STRN: variants seen among roughly 807,000 people sequenced by gnomAD.
STRN encodes striatin, also known as protein phosphatase 2 regulatory subunit B'''alpha.
In STRN, 53 loss-of-function variants were observed where a neutral mutation model predicts 96.3. The ratio of observed to expected loss-of-function variants is 0.55; its 90% CI spans 0.44 to 0.69. The LOEUF (loss-of-function observed/expected upper bound fraction) is 0.69. STRN is among the 30% of genes least tolerant of loss of function. The pLI is 0.00. For missense variants in STRN, 987 were observed against 963.9 expected, an observed-to-expected ratio of 1.02 and a Z score of -0.32; for synonymous variants, 428 against 355.9, an observed-to-expected ratio of 1.20 and a Z score of -2.28.
At position 36,849,746 on chromosome 2, in the gene STRN, A is replaced by G. The variant is rs776951286; in HGVS notation, c.2141T>C (p.Val714Ala). 5.0e-6 allele frequency: 8 copies of G among 1,614,058 alleles called. No homozygotes were observed. The South Asian group carries it at 7.7e-5, about 16-fold the overall frequency. Residue 714 changes from valine (V) to alanine (A), a missense_variant, in exon 17 of 18, where the codon GTT becomes GCT. Coordinates refer to ENST00000263918, the MANE Select transcript of STRN (RefSeq NM_003162.4). ...CATCAAGTAAAGGCCATTGGGATCAACTGCTAAACTTGTAACAGCTTCTAG... is the reference window on the plus strand; with the variant it reads ...CATCAAGTAAAGGCCATTGGGATCAGCTGCTAAACTTGTAACAGCTTCTAG... ...AHLEAVTSLA[V>A]DPNGLYLMSG...
intron 10 of STRN, among the ~76,000 whole-genome samples, chr2:36,876,055 G>A (rs945666889): frequency 2.6e-5 from 4 of 152,274 alleles, no homozygotes; most frequent in Admixed American, 6.5e-5. Context: ...AACTGCTTGA[G>A]CTTAGGAGTT....
intron 6 of STRN, among the ~76,000 whole-genome samples, chr2:36,895,822 G>A (rs1375384912): frequency 1.3e-5 from 2 of 151,860 alleles, no homozygotes; most frequent in Non-Finnish European, 2.9e-5. Flanking sequence ...TACTCGGGAG[G>A]CTGAGGCAGG....
At chr2:36,900,991 G>A (rs1008945099) in intron 5 of STRN, among the ~76,000 whole-genome samples, 1 of 149,756 alleles carries the variant, frequency 6.7e-6, no homozygotes, top group Non-Finnish European at 1.5e-5. Context: ...TTTAGACAGA[G>A]AGCATTTTCC....
rs144296108 is a variant in STRN at position 36,877,579 on chromosome 2, A to C, written c.1323+312T>G. On this transcript the variant is annotated intron_variant, in intron 10 of 17. Transcript: ENST00000263918. ...GAGACGGAGTCTCACTCTGTTGCAC[A>C]GGCTGGAGTGCAGTGGTGCGATGTT... Among the ~76,000 whole-genome samples the C allele has an allele frequency of 3.7e-3, 568 of 152,344 alleles. 2 individuals are homozygous for C. The highest frequency in any genetic ancestry group is 0.013 in the African/African-American group (550 of 41,576).
rs981736886 is a variant in STRN at position 36,848,339 on chromosome 2, A to T, written c.*1117T>A. On this transcript the variant is annotated 3_prime_UTR_variant, in exon 18 of 18. Transcript: ENST00000263918. ...TTAATAGAGGACTTCTAGGGTACAA[A>T]ATATTTGTTTTTATTAGTGCTTCTG... 2.0e-5 allele frequency: 3 copies of T among 152,180 alleles called. No homozygotes were observed. The highest frequency in any genetic ancestry group is 4.4e-5 in the Non-Finnish European group (3 of 68,032). The allele number at this position is 152,180 out of a possible 1,614,324, so 9.4% of individuals were successfully genotyped here.
At chr2:36,964,382 ATTAAAG>A (rs1354422743) in intron 1 of STRN, among the ~76,000 whole-genome samples, 4 of 152,174 alleles carry the variant, frequency 2.6e-5, no homozygotes, top group Non-Finnish European at 4.4e-5. Context: ...ACTGCACAAC[ATTAAAG>A]TTAAACTTTG....
At chr2:36,870,297 A>G (rs1572635214) in intron 10 of STRN, among the ~76,000 whole-genome samples, 1 of 4,932 alleles carries the variant, frequency 2.0e-4, no homozygotes, top group Non-Finnish European at 0.023. Flanking sequence ...CTCAAAAATG[A>G]AAAAAAAAAA....
chr2:36,840,632 A>C lies in STRN; in HGVS notation c.*8824T>G, dbSNP rs1334835876. ...CTCAGCCAACAAATATTTATAGGGT[A>C]CCTTTTATATGGCAAGGCACCAGGC... On this transcript the variant is annotated 3_prime_UTR_variant, in exon 18 of 18. Transcript: ENST00000263918. 6.6e-6 allele frequency: 1 copy of C among 151,614 alleles called. No individual in the cohort carries two copies. The highest frequency in any genetic ancestry group is 2.4e-5 in the African/African-American group (1 of 41,186). The allele number at this position is 151,614 out of a possible 1,614,324, so 9.4% of individuals were successfully genotyped here.
Position 36,945,602 on chromosome 2 carries a change from T to G in STRN, c.235-20394A>C, listed in dbSNP as rs138902997. Among the ~76,000 whole-genome samples, 67 of 151,812 alleles carry G rather than the reference T, an allele frequency of 4.4e-4. No homozygotes were observed. The East Asian group carries it at 0.012, about 26-fold the overall frequency. On this transcript the variant is annotated intron_variant, in intron 1 of 17. Coordinates refer to ENST00000263918, the MANE Select transcript of STRN (RefSeq NM_003162.4). ...GAATCGCTTGAACCAAGAGGCAGAG[T>G]TGCAGTGAGCCAAGATCGCAACACT...
chr2:36,871,689 T>A (rs1572636137), intron 10 of STRN, among the ~76,000 whole-genome samples: 1 of 152,230 alleles, frequency 6.6e-6, no homozygotes, highest in African/African-American at 2.4e-5. Flanking sequence ...ATACTTTATA[T>A]GCATTAACTC....
rs1391254129 is a variant in STRN, at chr2:36,842,948, C to T, written c.*6508G>A. The stretch of plus-strand genomic sequence containing the variant: ...TCTGGGAATATTTTATGTGCCAGGA[C>T]AATGCTGGGGCCCTGCAAAACATCA... On this transcript the variant is annotated 3_prime_UTR_variant, in exon 18 of 18. Transcript: ENST00000263918. Among the ~76,000 whole-genome samples the T allele has an allele frequency of 6.6e-6, 1 of 152,042 alleles. No homozygotes were observed. Among genetic ancestry groups the T allele is most frequent in the African/African-American group, 2.4e-5 (1 of 41,414 alleles).
Position 36,886,743 on chromosome 2 carries a change from C to T in STRN, c.1015G>A (p.Glu339Lys), listed in dbSNP as rs1669239918. Residue 339 changes from glutamate to lysine, a missense_variant, in exon 8 of 18, where the codon GAG becomes AAG. Physicochemically the swap from Glu to Lys is moderately conservative, Grantham distance 56. Coordinates refer to ENST00000263918, the MANE Select transcript of STRN (RefSeq NM_003162.4). ...TTCACCCCCTTTTTCCCCTTTCTCT[C>T]CTTTTTGTATTGTTCCTTGAGTTTG... ...ITKLKEQYKK[E>K]RKGKKGVKRP... 6.2e-7 allele frequency: 1 copy of T among 1,612,592 alleles called. No individual in the cohort carries two copies. The highest frequency in any genetic ancestry group is 1.7e-5 in the Admixed American group (1 of 59,910).
intron 11 of STRN, 97 bp from the exon 12 acceptor site, chr2:36,867,958 G>A: frequency 2.2e-6 from 2 of 903,154 alleles, no homozygotes; most frequent in South Asian, 1.9e-5. Context: ...CAAACATTAT[G>A]GGAATATACC....
intron 10 of STRN, among the ~76,000 whole-genome samples, chr2:36,875,496 ACT>A (rs1159810811): frequency 2.8e-5 from 3 of 108,796 alleles, no homozygotes; most frequent in African/African-American, 3.5e-5. Flanking sequence ...GCAGAGTGAG[ACT>A]CTGCCTCAAA....
chr2:36,912,055 T>A (rs1471082663), intron 3 of STRN, among the ~76,000 whole-genome samples: 1 of 152,174 alleles, frequency 6.6e-6, no homozygotes, highest in Admixed American at 6.5e-5. Flanking sequence ...TCCAAATCTA[T>A]AAACCTGTTA....
At chr2:36,860,604 T>C (rs1005755689) in intron 13 of STRN, among the ~76,000 whole-genome samples, 1 of 152,204 alleles carries the variant, frequency 6.6e-6, no homozygotes, top group African/African-American at 2.4e-5. Context: ...GTCATATCCA[T>C]TGATAGATTA....
intron 3 of STRN, among the ~76,000 whole-genome samples, chr2:36,911,355 T>A (rs1669961820): frequency 6.6e-6 from 1 of 152,220 alleles, no homozygotes; most frequent in South Asian, 2.1e-4. Context: ...ATTCATTAGT[T>A]CTTTTTTCTT....
chr2:36,860,184 T>C (rs1219067302), intron 13 of STRN, among the ~76,000 whole-genome samples: 1 of 152,116 alleles, frequency 6.6e-6, no homozygotes, highest in South Asian at 2.1e-4. Context: ...AGCAAGAGAT[T>C]AGAATGCAGT....
rs976906897 is a variant in STRN, at chr2:36,918,173, C to T, written c.339-2022G>A. ...TAACCACAAAGATTTTATCACTGGA[C>T]GAAATGTTTGCCCATCTAGTTCAAT... is the stretch of plus-strand genomic sequence containing the variant. On this transcript the variant is annotated intron_variant, in intron 2 of 17. Coordinates refer to ENST00000263918, the MANE Select transcript of STRN (RefSeq NM_003162.4). Among the ~76,000 whole-genome samples the T allele has an allele frequency of 3.9e-5, 6 of 152,162 alleles. No homozygotes were observed. In the South Asian group the frequency reaches 6.2e-4, roughly 16 times the overall value.
Sources: allele counts gnomAD v4.1 joint callset (sites outside exome capture counted in the v4.1 genomes callset), GRCh38; gene constraint gnomAD v4.1.1; transcripts MANE v1.5; gene names NCBI Gene and HGNC (gene_info 2026-07-23, HGNC 2026-07-21).